Variants in CELSR1 observed in about 807,000 individuals in gnomAD.
CELSR1 encodes cadherin EGF LAG seven-pass G-type receptor 1.
A neutral mutation model predicts 249.1 loss-of-function variants in CELSR1; 110 were observed. The ratio of observed to expected loss-of-function variants is 0.44; its 90% CI spans 0.38 to 0.52. The LOEUF is 0.52. Ranked by LOEUF, CELSR1 falls within the 20% of genes least tolerant of loss-of-function variation. CELSR1 has a pLI of 0.00. For missense variants in CELSR1, 4,109 were observed against 4,296.4 expected (o/e 0.96, Z 1.22); for synonymous variants, 2,113 against 1,900.0 (o/e 1.11, Z -2.92).
In CELSR1 at chr22:46,408,856, T is replaced by C; in HGVS notation, c.5226+140A>G. On this transcript the variant is annotated intron_variant, in intron 9 of 34. Coordinates refer to ENST00000674500, the MANE Select transcript of CELSR1 (RefSeq NM_001378328.1). The surrounding 1 kb of genome is among the most constrained non-coding windows in gnomAD (Gnocchi z 4.6). The stretch of plus-strand genomic sequence containing the variant: ...AAAGGGCTGATATTCCCCTTCCCCC[T>C]CTTCGGAGAACCCCAGGGGCGGGCG... 1.5e-6 allele frequency: 1 copy of C among 659,752 alleles called. No individual in the cohort carries two copies. Among genetic ancestry groups the C allele is most frequent in the East Asian group, 2.9e-5 (1 of 34,426 alleles). 40.9% of individuals were successfully genotyped at this position (659,752 alleles called of 1,614,324 possible).
chr22:46,479,381 CA>C (rs1302084464), intron 1 of CELSR1, among the ~76,000 whole-genome samples: 10 of 152,054 alleles, frequency 6.6e-5, no homozygotes, highest in African/African-American at 2.4e-4. Context: ...CGGCAGCTGC[CA>C]GGGGAAAACT....
chr22:46,508,463 G>GCTGTCCCCTCA (rs1379506496), intron 1 of CELSR1, among the ~76,000 whole-genome samples: 2 of 88,336 alleles, frequency 2.3e-5, no homozygotes, highest in Non-Finnish European at 4.1e-5. Flanking sequence ...CTGTCCCCTC[G>GCTGTCCCCTCA]CTGTCCCCTC....
rs755754518 is a variant in CELSR1 at position 46,535,610 on chromosome 22, G to C, written c.1561C>G (p.Pro521Ala). The stretch of plus-strand genomic sequence containing the variant: ...TTCTGGACATCCTCGAAATCCAAGG[G>C]GTTGATCACATCCAGGATCCCGCTC... ...SLSGILDVIN[P>A]LDFEDVQKYS... Residue 521 changes from proline to alanine, a missense_variant, in exon 1 of 35, where the codon CCC becomes GCC. Pro to Ala is a conservative substitution (Grantham distance 27). Transcript: ENST00000674500. 6.2e-7 allele frequency: 1 copy of C among 1,613,480 alleles called. No homozygotes were observed. The highest frequency in any genetic ancestry group is 8.5e-7 in the Non-Finnish European group (1 of 1,180,042).
chr22:46,362,823 C>T lies in CELSR1; in HGVS notation c.*400G>A, dbSNP rs532798888. 6.0e-5 allele frequency: 18 copies of T among 302,022 alleles called. No individual in the cohort carries two copies. The highest frequency in any genetic ancestry group is 5.6e-4 in the East Asian group (10 of 17,724). The allele number at this position is 302,022 out of a possible 1,614,324, so 18.7% of individuals were successfully genotyped here. On this transcript the variant is annotated 3_prime_UTR_variant, in exon 35 of 35. Coordinates refer to ENST00000674500, the MANE Select transcript of CELSR1 (RefSeq NM_001378328.1). ...CACTGCCATGAGATGCCCGCCTGGG[C>T]GGGGCTGGACCGCGGTCTTTGGTCT...
chr22:46,484,202 G>A lies in CELSR1; in HGVS notation c.3545-19857C>T, dbSNP rs538902392. 2.6e-5 allele frequency among the ~76,000 whole-genome samples: 4 copies of A among 152,236 alleles called. No homozygotes were observed. The highest frequency in any genetic ancestry group is 6.5e-5 in the Admixed American group (1 of 15,300). On this transcript the variant is annotated intron_variant, in intron 1 of 34. Transcript: ENST00000674500. The surrounding 1 kb of genome is among the most constrained non-coding windows in gnomAD (Gnocchi z 4.5). ...CCGTTACGACGGTGGGGACGGGTCCGAGGTCTGAACTGGGCACCAGTAAAC... is the reference window on the plus strand; with the variant it reads ...CCGTTACGACGGTGGGGACGGGTCCAAGGTCTGAACTGGGCACCAGTAAAC...
chr22:46,411,586 C>T lies in CELSR1; in HGVS notation c.4769+16G>A, dbSNP rs774130211. The T allele has an allele frequency of 6.2e-7, 1 of 1,613,950 alleles. No individual in the cohort carries two copies. The highest frequency in any genetic ancestry group is 1.1e-5 in the South Asian group (1 of 91,070). ...GGGGTACGGACCCCCAGGGCCTCCC[C>T]TCCTGGGATGCTCACTTCTTGGAGC... On this transcript the variant is annotated intron_variant, in intron 6 of 34. Coordinates refer to ENST00000674500, the MANE Select transcript of CELSR1 (RefSeq NM_001378328.1). This position sits in a 1 kb window ranked among gnomAD's most constrained non-coding sequence, Gnocchi z 4.2.
At chr22:46,503,613 AC>A (rs1469511944) in intron 1 of CELSR1, among the ~76,000 whole-genome samples, 24 of 152,350 alleles carry the variant, frequency 1.6e-4, no homozygotes, top group African/African-American at 5.8e-4. Context: ...GCCTCATGCA[AC>A]CCTACGGGGT....
In CELSR1 at chr22:46,393,791, C is replaced by T. The variant is rs1008770030; in HGVS notation, c.5964+351G>A. 6.6e-6 allele frequency among the ~76,000 whole-genome samples: 1 copy of T among 151,026 alleles called. No individual in the cohort carries two copies. The highest frequency in any genetic ancestry group is 1.5e-5 in the Non-Finnish European group (1 of 67,854). ...TGGCCAACCAGGAGGCCAGGAGGGC[C>T]GGGGTGGTGCCATAGATGAGCCAGC... On this transcript the variant is annotated intron_variant, in intron 14 of 34. Transcript: ENST00000674500. This position sits in a 1 kb window ranked among gnomAD's most constrained non-coding sequence, Gnocchi z 4.1.
rs2078823289 is a variant in CELSR1, at chr22:46,369,251, G to A, written c.7880C>T (p.Thr2627Ile). Residue 2627 changes from threonine (T) to isoleucine (I), a missense_variant, in exon 27 of 35, where the codon ACA (threonine) becomes ATA (isoleucine). Coordinates refer to ENST00000674500, the MANE Select transcript of CELSR1 (RefSeq NM_001378328.1). ...GPIGAVIIIN[T>I]VTSVLSAKVS... ...CTTTGCAGATAGGACAGAAGTGACT[G>A]TGTTGATCTGAAAACAAAACAAGCC... 1.9e-6 allele frequency: 3 copies of A among 1,613,402 alleles called. No homozygotes were observed. Among genetic ancestry groups the A allele is most frequent in the Admixed American group, 3.3e-5 (2 of 59,974 alleles).
chr22:46,399,140 C>T lies in CELSR1; in HGVS notation c.5413-503G>A, dbSNP rs980575408. Among the ~76,000 whole-genome samples the T allele has an allele frequency of 7.9e-5, 12 of 152,174 alleles. No individual in the cohort carries two copies. Among genetic ancestry groups the T allele is most frequent in the African/African-American group, 2.2e-4 (9 of 41,428 alleles). Reference sequence around the variant, plus strand: ...CCAAGAGCTCTTGGAGATCCCAGGTCGCCCCTTAAGTGTGTGGGCATTTCA... The same window carrying T: ...CCAAGAGCTCTTGGAGATCCCAGGTTGCCCCTTAAGTGTGTGGGCATTTCA... On this transcript the variant is annotated intron_variant, in intron 10 of 34. Transcript: ENST00000674500. This position sits in a 1 kb window ranked among gnomAD's most constrained non-coding sequence, Gnocchi z 5.0.
Position 46,537,439 on chromosome 22 carries a change from T to C in CELSR1, c.-269A>G, listed in dbSNP as rs1397335687. Among the ~76,000 whole-genome samples, 3 of 144,112 alleles carry C rather than the reference T, an allele frequency of 2.1e-5. No individual in the cohort carries two copies. The highest frequency in any genetic ancestry group is 4.6e-5 in the Non-Finnish European group (3 of 65,570). The allele number at this position is 144,112 out of a possible 152,430, so 94.5% of individuals were successfully genotyped here. A position where few individuals can be genotyped will look rare whatever the true frequency, so the allele number is the denominator to read the frequency against. ...GCGCGTCCCGGGAGGGCGCCGCGCATCAACCTGCGGCGGCGGCGGCGGCTC... is the reference window on the plus strand; with the variant it reads ...GCGCGTCCCGGGAGGGCGCCGCGCACCAACCTGCGGCGGCGGCGGCGGCTC... On this transcript the variant is annotated 5_prime_UTR_variant, in exon 1 of 35. An upstream start codon of the reference 5' UTR is lost. Transcript: ENST00000674500. This position sits in a 1 kb window ranked among gnomAD's most constrained non-coding sequence, Gnocchi z 5.8.
In CELSR1 at chr22:46,500,544, C is replaced by G. The variant is rs558773333; in HGVS notation, c.3544+33083G>C. Among the ~76,000 whole-genome samples, 1 of 152,276 alleles carries G rather than the reference C, an allele frequency of 6.6e-6. No homozygotes were observed. Among genetic ancestry groups the G allele is most frequent in the South Asian group, 2.1e-4 (1 of 4,826 alleles). ...CAAAGGCCACTGGGAGCTCTGGGAG[C>G]TTCCAAAGGGGGCGTCAATGACACC... On this transcript the variant is annotated intron_variant, in intron 1 of 34. Transcript: ENST00000674500. The surrounding 1 kb of genome is among the most constrained non-coding windows in gnomAD (Gnocchi z 4.9).
At chr22:46,479,617 G>A (rs992610821) in intron 1 of CELSR1, among the ~76,000 whole-genome samples, 9 of 27,394 alleles carry the variant, frequency 3.3e-4, no homozygotes, top group Non-Finnish European at 5.7e-4. Context: ...GGACTTTTTG[G>A]GGGGGGGCCG....
intron 1 of CELSR1, among the ~76,000 whole-genome samples, chr22:46,478,609 C>A (rs1430270839): frequency 1.3e-5 from 2 of 151,490 alleles, no homozygotes; most frequent in Non-Finnish European, 1.5e-5. Flanking sequence ...GTGGTGCGAT[C>A]TCGGCTCACT....
chr22:46,494,744 T>C (rs2080397581), intron 1 of CELSR1, among the ~76,000 whole-genome samples: 1 of 152,142 alleles, frequency 6.6e-6, no homozygotes, highest in Admixed American at 6.5e-5. Context: ...TGACCTCAAG[T>C]GATCCGCCCG....
At chr22:46,385,197 C>T (rs1444392972) in intron 19 of CELSR1, among the ~76,000 whole-genome samples, 2 of 152,134 alleles carry the variant, frequency 1.3e-5, no homozygotes, top group East Asian at 1.9e-4. Flanking sequence ...TGCGCTCAAG[C>T]GATCCTCCCA....
chr22:46,474,819 C>T, intron 1 of CELSR1, among the ~76,000 whole-genome samples: 1 of 110,016 alleles, frequency 9.1e-6, no homozygotes. Context: ...GACGGAGTCT[C>T]ACTCTGTCAT....
rs921513869 is a variant in CELSR1 at position 46,395,266 on chromosome 22, C to T, written c.5844-1004G>A. ...GCTGGATCAGCCTCTTGGCAACTCC[C>T]CCTGCTCCAAGCTGTGCTCCATGCG... On this transcript the variant is annotated intron_variant, in intron 13 of 34. Coordinates refer to ENST00000674500, the MANE Select transcript of CELSR1 (RefSeq NM_001378328.1). This position sits in a 1 kb window ranked among gnomAD's most constrained non-coding sequence, Gnocchi z 5.5. Among the ~76,000 whole-genome samples the T allele has an allele frequency of 6.6e-6, 1 of 152,182 alleles. No homozygotes were observed. The highest frequency in any genetic ancestry group is 1.5e-5 in the Non-Finnish European group (1 of 68,024).
intron 19 of CELSR1, among the ~76,000 whole-genome samples, chr22:46,385,001 AG>A (rs781457952): frequency 1.1e-4 from 17 of 152,096 alleles, no homozygotes; most frequent in Non-Finnish European, 2.1e-4. Context: ...CATGTCGGCC[AG>A]GCTGGTCTCA....
Sources: gnomAD v4.1 joint callset for allele counts (sites outside exome capture counted in the v4.1 genomes callset) on GRCh38, gnomAD v4.1.1 for gene constraint, Gnocchi (gnomAD v3.1) non-coding constraint, MANE v1.5 for transcripts, NCBI Gene and HGNC (gene_info 2026-07-23, HGNC 2026-07-21) for gene names.